ROS1: variants seen among roughly 807,000 people sequenced by gnomAD.
ROS1 encodes ROS proto-oncogene 1, receptor tyrosine kinase, also known as proto-oncogene tyrosine-protein kinase ROS.
ROS1 carries 263 observed loss-of-function variants against 273.5 expected under a neutral mutation model. That is an observed-to-expected ratio of 0.96 (90% CI 0.87 to 1.06). The LOEUF is 1.06. Ranked by LOEUF, ROS1 falls within the 50% of genes least tolerant of loss-of-function variation. The probability of loss-of-function intolerance (pLI) is 0.00; values close to 1 mark genes in which losing one functional copy is unlikely to be tolerated. For synonymous variants in ROS1, 1,008 were observed against 954.1 expected, an observed-to-expected ratio of 1.06 and a Z score of -1.04; for missense variants, 2,833 against 2,751.1, an observed-to-expected ratio of 1.03 and a Z score of -0.67.
chr6:117,402,903 A>AT (rs1774067773), intron 7 of ROS1, among the ~76,000 whole-genome samples: 1 of 151,542 alleles, frequency 6.6e-6, no homozygotes, highest in Non-Finnish European at 1.5e-5. Context: ...AAAAAAAAAA[A>AT]AAGAAAAGAA....
chr6:117,415,682 C>A (rs2128743632), intron 3 of ROS1, among the ~76,000 whole-genome samples: 1 of 152,270 alleles, frequency 6.6e-6, no homozygotes, highest in South Asian at 2.1e-4. Flanking sequence ...AATAAAGTAT[C>A]TGGGGATGTA....
At chr6:117,389,086 G>A (rs762364415) in intron 13 of ROS1, among the ~76,000 whole-genome samples, 47 of 152,312 alleles carry the variant, frequency 3.1e-4, no homozygotes, top group South Asian at 4.1e-4. Flanking sequence ...TGACTAGAAT[G>A]TCAATGCCTG....
intron 18 of ROS1, among the ~76,000 whole-genome samples, chr6:117,373,610 G>A (rs899197279): frequency 6.6e-6 from 1 of 152,216 alleles, no homozygotes; most frequent in Admixed American, 6.5e-5. Flanking sequence ...CACCCACCCA[G>A]AACTCGTGCT....
In ROS1 at chr6:117,358,393, C is replaced by T. The variant is rs145139500; in HGVS notation, c.3634-384G>A. Among the ~76,000 whole-genome samples, 57 of 152,246 alleles carry T rather than the reference C, an allele frequency of 3.7e-4. No homozygotes were observed. In the East Asian group the frequency reaches 9.1e-3, roughly 24 times the overall value. Reference sequence around the variant, plus strand: ...TTTATATTTTTATGGATTTCCAACACCACCCAAGGAGCTAATCCTGACAAA... The same window carrying T: ...TTTATATTTTTATGGATTTCCAACATCACCCAAGGAGCTAATCCTGACAAA... On this transcript the variant is annotated intron_variant, in intron 24 of 43. Coordinates refer to ENST00000368507, the MANE Select transcript of ROS1 (RefSeq NM_001378902.1).
intron 18 of ROS1, among the ~76,000 whole-genome samples, chr6:117,367,391 G>A (rs1780356720): frequency 6.6e-6 from 1 of 152,230 alleles, no homozygotes. Context: ...GAGGACTCCA[G>A]TACCTAGGCA....
At chr6:117,348,426 G>A (rs79833449) in intron 27 of ROS1, among the ~76,000 whole-genome samples, 14,321 of 151,834 alleles carry the variant, frequency 0.094, 861 homozygotes, top group Middle Eastern at 0.14. Context: ...GTTCTACAGA[G>A]ATGTCCCCGC....
At chr6:117,391,219 G>A (rs1773039773) in intron 12 of ROS1, among the ~76,000 whole-genome samples, 1 of 152,154 alleles carries the variant, frequency 6.6e-6, no homozygotes, top group African/African-American at 2.4e-5. Context: ...CCTGAGGACG[G>A]ATTGTAGCAG....
rs114783083 is a variant in ROS1, at chr6:117,287,866, C to T, written c.*626G>A. Reference sequence around the variant, plus strand: ...ACCCAGGAGGTGGAGTTTGCAGTGCCGAGATCGTGCCATTGAACTCCAGCC... The same window carrying T: ...ACCCAGGAGGTGGAGTTTGCAGTGCTGAGATCGTGCCATTGAACTCCAGCC... On this transcript the variant is annotated 3_prime_UTR_variant, in exon 44 of 44. Coordinates refer to ENST00000368507, the MANE Select transcript of ROS1 (RefSeq NM_001378902.1). Among the ~76,000 whole-genome samples the T allele has an allele frequency of 0.097, 14,535 of 149,080 alleles. 794 individuals are homozygous for T. The highest frequency in any genetic ancestry group is 0.12 in the African/African-American group (4,668 of 40,420).
At chr6:117,305,831 G>A (rs922258514) in intron 42 of ROS1, among the ~76,000 whole-genome samples, 4 of 151,924 alleles carry the variant, frequency 2.6e-5, no homozygotes, top group African/African-American at 9.7e-5. Flanking sequence ...GTGTATACTC[G>A]CACCAAGTTA....
rs761118340 is a variant in ROS1, at chr6:117,341,589, G to A, written c.4695C>T (p.Asp1565=). The A allele has an allele frequency of 1.5e-5, 24 of 1,613,588 alleles. No individual in the cohort carries two copies. Among genetic ancestry groups the A allele is most frequent in the Non-Finnish European group, 2.0e-5 (24 of 1,179,726 alleles). The stretch of plus-strand genomic sequence containing the variant: ...CTCTCCAAGATATAATGAGGCTGGT[G>A]TCTGACCGCACAGTTGTATTAATGA... ...VQLINTTVRS[D]TSLIISWRES... The change falls in exon 30 of 44, where the codon GAC becomes GAT. Residue 1565 remains aspartate, a synonymous_variant. Transcript: ENST00000368507.
intron 43 of ROS1, among the ~76,000 whole-genome samples, chr6:117,290,048 G>A (rs1773724607): frequency 6.6e-6 from 1 of 152,220 alleles, no homozygotes; most frequent in South Asian, 2.1e-4. Context: ...TCAGTCTAAA[G>A]GAAAGTTTAG....
At chr6:117,311,396 A>G (rs1219451289) in intron 39 of ROS1, among the ~76,000 whole-genome samples, 3 of 152,152 alleles carry the variant, frequency 2.0e-5, no homozygotes, top group African/African-American at 7.2e-5. Context: ...GGTCAGACAG[A>G]TCGAGATGTG....
At position 117,357,954 on chromosome 6, in the gene ROS1, G is replaced by T; in HGVS notation, c.3689C>A (p.Ser1230Ter). The change falls in exon 25 of 44, where the codon TCA becomes TAA. Residue 1230 changes from serine (S) to a stop codon, truncating the protein, a stop_gained. Transcript: ENST00000368507. LOFTEE classifies it high-confidence loss of function. ...TTTCAGTGCAAAGTAGAGGTGCCTTGAAATCCAGTCAATTGTAATAACTGT... is the reference window on the plus strand; with the variant it reads ...TTTCAGTGCAAAGTAGAGGTGCCTTTAAATCCAGTCAATTGTAATAACTGT... ...DITVITIDWI[S>*]RHLYFALKES... is the part of the protein sequence containing the mutation. 6.2e-7 allele frequency: 1 copy of T among 1,613,704 alleles called. No homozygotes were observed. Among genetic ancestry groups the T allele is most frequent in the South Asian group, 1.1e-5 (1 of 91,046 alleles).
At chr6:117,394,504 A>C in intron 10 of ROS1, 112 bp downstream of exon 10, 2 of 891,760 alleles carry the variant, frequency 2.2e-6, no homozygotes, top group Non-Finnish European at 3.1e-6. Flanking sequence ...ATATATTAGG[A>C]TATTAAGAGA....
intron 43 of ROS1, among the ~76,000 whole-genome samples, chr6:117,289,152 G>A (rs1773643968): frequency 1.3e-5 from 2 of 152,322 alleles, no homozygotes; most frequent in South Asian, 4.1e-4. Flanking sequence ...CTTTGTGATA[G>A]GACTTAATTG....
At chr6:117,418,575 T>A in intron 1 of ROS1, 69 bp from the exon 2 acceptor site, 1 of 1,162,210 alleles carries the variant, frequency 8.6e-7, no homozygotes, top group Non-Finnish European at 1.2e-6. Context: ...ACACACCTTT[T>A]AAAAAAGCTT....
At chr6:117,335,434 T>C (rs9489131) in intron 32 of ROS1, among the ~76,000 whole-genome samples, 6,743 of 152,176 alleles carry the variant, frequency 0.044, 241 homozygotes, top group African/African-American at 0.1. Flanking sequence ...AGTATGGCAA[T>C]TCCTCAAGGA....
chr6:117,396,281 T>C lies in ROS1; in HGVS notation c.807-17A>G, dbSNP rs1773479955. 2 of 1,583,492 alleles carry C rather than the reference T, an allele frequency of 1.3e-6. No homozygotes were observed. The highest frequency in any genetic ancestry group is 1.7e-6 in the Non-Finnish European group (2 of 1,152,476). ...ATAGAAAACCTATTCCAAAAACAAT[T>C]TGGAGAGACGTGTTTCACATGGCAT... On this transcript the variant is annotated splice_polypyrimidine_tract_variant and intron_variant, in intron 8 of 43. Transcript: ENST00000368507.
chr6:117,317,985 T>C (rs1776035196), intron 38 of ROS1, among the ~76,000 whole-genome samples: 1 of 152,124 alleles, frequency 6.6e-6, no homozygotes, highest in Admixed American at 6.6e-5. Context: ...AAGGAGAACC[T>C]TTTGTCTGAG....
Sources: allele counts gnomAD v4.1 joint callset (sites outside exome capture counted in the v4.1 genomes callset), GRCh38; gene constraint gnomAD v4.1.1; transcripts MANE v1.5; gene names NCBI Gene and HGNC (gene_info 2026-07-23, HGNC 2026-07-21).